Variants in IDE observed in about 807,000 individuals in gnomAD.
IDE encodes the protein insulin degrading enzyme, also known as insulin-degrading enzyme.
IDE carries 58 observed loss-of-function variants against 133.2 expected under a neutral mutation model. That is an observed-to-expected ratio of 0.44 (90% CI 0.35 to 0.54). The LOEUF is 0.54. IDE is among the 20% of genes least tolerant of loss of function. The pLI is 0.00. For synonymous variants in IDE, 396 were observed against 421.3 expected, an observed-to-expected ratio of 0.94 and a Z score of 0.73; for missense variants, 981 against 1,234.0, an observed-to-expected ratio of 0.79 and a Z score of 3.07.
At chr10:92,490,379 A>G (rs1476471959) in intron 12 of IDE, 114 bp downstream of exon 12, 6 of 722,122 alleles carry the variant, frequency 8.3e-6, no homozygotes, top group African/African-American at 1.8e-5. Flanking sequence ...GATGGTACAG[A>G]TAACACTAGG....
chr10:92,532,300 G>T (rs2135674573), intron 3 of IDE, among the ~76,000 whole-genome samples: 1 of 151,466 alleles, frequency 6.6e-6, no homozygotes, highest in South Asian at 2.1e-4. Context: ...AAAGAAAAAG[G>T]CAGGTCATAG....
At chr10:92,483,619 A>T (rs149326326) in intron 13 of IDE, among the ~76,000 whole-genome samples, 1 of 152,280 alleles carries the variant, frequency 6.6e-6, no homozygotes, top group East Asian at 1.9e-4. Flanking sequence ...AGCCAATACC[A>T]ACTGTCCTGT....
chr10:92,544,878 A>C (rs1006522627), intron 1 of IDE, among the ~76,000 whole-genome samples: 5 of 152,186 alleles, frequency 3.3e-5, no homozygotes, highest in Non-Finnish European at 1.5e-5. Flanking sequence ...TACAGAACTG[A>C]CTCATGCATG....
chr10:92,540,662 AATGATGATG>A (rs763549593), intron 1 of IDE, among the ~76,000 whole-genome samples: 2 of 152,138 alleles, frequency 1.3e-5, no homozygotes, highest in Non-Finnish European at 2.9e-5. Flanking sequence ...GAAATGTAAT[AATGATGATG>A]ATGATGATGG....
intron 1 of IDE, among the ~76,000 whole-genome samples, chr10:92,558,393 C>T (rs1202956154): frequency 1.3e-5 from 2 of 151,988 alleles, no homozygotes; most frequent in African/African-American, 4.8e-5. Flanking sequence ...ATCTTTGTGA[C>T]CTTGGATTGG....
At chr10:92,506,225 G>A (rs1258543875) in intron 10 of IDE, among the ~76,000 whole-genome samples, 1 of 152,112 alleles carries the variant, frequency 6.6e-6, no homozygotes, top group East Asian at 1.9e-4. Flanking sequence ...TAAGCAAAAT[G>A]CATATTTAAT....
At chr10:92,463,637 A>G (rs1458993111) in intron 21 of IDE, 94 bp downstream of exon 21, 2 of 1,154,702 alleles carry the variant, frequency 1.7e-6, no homozygotes, top group Non-Finnish European at 2.5e-6. Context: ...TAGGTAACGG[A>G]ATATCACCTA....
At position 92,463,878 on chromosome 10, in the gene IDE, T is replaced by C. The variant is rs1845531349; in HGVS notation, c.2614A>G (p.Lys872Glu). Residue 872 changes from lysine to glutamate, a missense_variant, in exon 21 of 25, where the codon AAG becomes GAG. By Grantham distance (56) the Lys-to-Glu change is moderately conservative. This residue lies in a region of IDE where 660 missense variants were observed against 894.7 expected (regional missense o/e 0.74). Coordinates refer to ENST00000265986, the MANE Select transcript of IDE (RefSeq NM_004969.4). ...TCTTCTGTCATGTCCTCTATGGACT[T>C]TTCCATGGTAATTAAGAAAGCTTCC... ...RVEAFLITMEKSIEDMTEEAF... is the reference protein window; with the variant it reads ...RVEAFLITMEESIEDMTEEAF... 2 of 1,614,218 alleles carry C rather than the reference T, an allele frequency of 1.2e-6. No individual in the cohort carries two copies. The highest frequency in any genetic ancestry group is 2.7e-5 in the African/African-American group (2 of 75,068).
chr10:92,487,333 A>C lies in IDE; in HGVS notation c.1534-15T>G, dbSNP rs1847061555. ...TTTTGCCATTTCTGGATGAATAATG[A>C]AACACACAAATGCAGTAAGAGTCTG... On this transcript the variant is annotated splice_polypyrimidine_tract_variant and intron_variant, in intron 12 of 24. Coordinates refer to ENST00000265986, the MANE Select transcript of IDE (RefSeq NM_004969.4). 6.2e-7 allele frequency: 1 copy of C among 1,606,180 alleles called. No individual in the cohort carries two copies. Among genetic ancestry groups the C allele is most frequent in the African/African-American group, 1.3e-5 (1 of 74,712 alleles).
intron 4 of IDE, among the ~76,000 whole-genome samples, chr10:92,521,157 T>C (rs184317337): frequency 1.1e-4 from 16 of 152,092 alleles, no homozygotes; most frequent in South Asian, 2.1e-4. Flanking sequence ...TCAAAAGAGA[T>C]GGAATAATAG....
intron 8 of IDE, 27 bp downstream of exon 8, chr10:92,508,086 A>G (rs983466420): frequency 4.0e-6 from 6 of 1,506,372 alleles, no homozygotes; most frequent in Non-Finnish European, 4.6e-6. Flanking sequence ...TTTTCATTCA[A>G]AAGTAAAAAG....
rs573196074 is a variant in IDE, at chr10:92,455,702, A to AC, written c.2897-60_2897-59insG. Reference sequence around the variant, plus strand: ...TTATTGATACTATCACAAAAGAACAAAAAAAAAAAACTAAACCAGACTCAG... The same window carrying AC: ...TTATTGATACTATCACAAAAGAACAACAAAAAAAAAACTAAACCAGACTCAG... On this transcript the variant is annotated intron_variant, in intron 23 of 24. Coordinates refer to ENST00000265986, the MANE Select transcript of IDE (RefSeq NM_004969.4). 3.8e-4 allele frequency: 357 copies of AC among 928,594 alleles called. 1 individual carries two copies. Among genetic ancestry groups the AC allele is most frequent in the African/African-American group, 3.3e-3 (197 of 59,604 alleles). The allele number at this position is 928,594 out of a possible 1,614,324, so 57.5% of individuals were successfully genotyped here. A position where few individuals can be genotyped will look rare whatever the true frequency, so the allele number is the denominator to read the frequency against.
chr10:92,531,357 C>T (rs1157749981), intron 4 of IDE, among the ~76,000 whole-genome samples: 1 of 151,974 alleles, frequency 6.6e-6, no homozygotes, highest in Non-Finnish European at 1.5e-5. Flanking sequence ...CCATAGCAGA[C>T]GCTATGCATC....
intron 14 of IDE, 88 bp from the exon 15 acceptor site, chr10:92,479,509 C>A: frequency 1.1e-6 from 1 of 944,100 alleles, no homozygotes. Flanking sequence ...ATATTGAACA[C>A]CGGTTAATAT....
chr10:92,469,720 C>A (rs1845867667), intron 18 of IDE, among the ~76,000 whole-genome samples: 1 of 152,144 alleles, frequency 6.6e-6, no homozygotes, highest in Non-Finnish European at 1.5e-5. Context: ...CCGGCCGAGA[C>A]TGAGGGATCT....
At chr10:92,505,380 A>G (rs1488424093) in intron 10 of IDE, among the ~76,000 whole-genome samples, 1 of 152,152 alleles carries the variant, frequency 6.6e-6, no homozygotes, top group Non-Finnish European at 1.5e-5. Flanking sequence ...TGGCCAGTGT[A>G]GAAAAACAAT....
chr10:92,461,029 T>C (rs1215317373), intron 22 of IDE, among the ~76,000 whole-genome samples, 162 bp downstream of exon 22: 1 of 152,118 alleles, frequency 6.6e-6, no homozygotes, highest in African/African-American at 2.4e-5. Flanking sequence ...TTAGTATAAA[T>C]GGGGTTTCAC....
At chr10:92,516,776 G>T (rs1157415179) in intron 4 of IDE, among the ~76,000 whole-genome samples, 1 of 152,200 alleles carries the variant, frequency 6.6e-6, no homozygotes, top group Non-Finnish European at 1.5e-5. Context: ...GTTAAAAAAA[G>T]GATGCAATGC....
chr10:92,464,528 G>A (rs1368423925), intron 20 of IDE, among the ~76,000 whole-genome samples: 1 of 152,158 alleles, frequency 6.6e-6, no homozygotes, highest in African/African-American at 2.4e-5. Flanking sequence ...ATGAGGACAT[G>A]CACTACCTTC....
Sources: allele counts gnomAD v4.1 joint callset (sites outside exome capture counted in the v4.1 genomes callset), GRCh38; gene constraint gnomAD v4.1.1; regional missense constraint gnomAD v4.1.1; transcripts MANE v1.5; gene names NCBI Gene and HGNC (gene_info 2026-07-23, HGNC 2026-07-21).